Variants in SESN1 observed in about 807,000 individuals in gnomAD.
SESN1 encodes the protein sestrin-1.
In SESN1, 30 loss-of-function variants were observed where a neutral mutation model predicts 59.3. The observed-to-expected ratio is 0.51, with a 90% CI of 0.38 to 0.69. The LOEUF (loss-of-function observed/expected upper bound fraction) is 0.69, where lower values mean the gene tolerates loss of function less well. SESN1 is among the 30% of genes least tolerant of loss of function. The pLI, the probability that SESN1 is intolerant of heterozygous loss-of-function variation, is 0.00. For synonymous variants in SESN1, 197 were observed against 219.9 expected (o/e 0.90, Z 0.92); for missense variants, 566 against 673.0 (o/e 0.84, Z 1.76).
In SESN1 at chr6:108,986,501, A is replaced by C. The variant is rs1318800077; in HGVS notation, c.*1043T>G. 6.6e-6 allele frequency: 1 copy of C among 152,670 alleles called. No homozygotes were observed. The highest frequency in any genetic ancestry group is 2.4e-5 in the African/African-American group (1 of 41,462). 9.5% of individuals were successfully genotyped at this position (152,670 alleles called of 1,614,324 possible). ...GTAATACTGACAGACTTCAAAAGCA[A>C]TTCACGCTTCCAGAATACAAAGTAC... is the stretch of plus-strand genomic sequence containing the variant. On this transcript the variant is annotated 3_prime_UTR_variant, in exon 10 of 10. Coordinates refer to ENST00000436639, the MANE Select transcript of SESN1 (RefSeq NM_014454.3).
intron 1 of SESN1, among the ~76,000 whole-genome samples, chr6:109,087,017 A>G (rs1357320691): frequency 6.6e-6 from 1 of 152,188 alleles, no homozygotes; most frequent in African/African-American, 2.4e-5. Flanking sequence ...CTGTAATCCC[A>G]GCTACTCAGG....
At chr6:109,076,702 G>A (rs569871050) in intron 1 of SESN1, among the ~76,000 whole-genome samples, 1 of 152,136 alleles carries the variant, frequency 6.6e-6, no homozygotes, top group East Asian at 1.9e-4. Context: ...TTTGGTTTAG[G>A]CATGTTTGGG....
intron 1 of SESN1, among the ~76,000 whole-genome samples, chr6:109,092,925 G>A (rs1781350110): frequency 1.3e-5 from 2 of 152,028 alleles, no homozygotes; most frequent in African/African-American, 4.8e-5. Context: ...AACTTACATA[G>A]TTACCCAAGT....
chr6:109,026,504 A>T (rs958171431), intron 1 of SESN1, among the ~76,000 whole-genome samples: 1 of 152,000 alleles, frequency 6.6e-6, no homozygotes, highest in East Asian at 1.9e-4. Context: ...TGTAGGTTTA[A>T]CTTTTTTTTT....
At chr6:109,028,771 T>G (rs902953382) in intron 1 of SESN1, among the ~76,000 whole-genome samples, 1 of 152,118 alleles carries the variant, frequency 6.6e-6, no homozygotes, top group East Asian at 1.9e-4. Flanking sequence ...GAACAAAGAC[T>G]GGGTCACGAA....
chr6:109,054,641 C>T (rs926508162), intron 1 of SESN1, among the ~76,000 whole-genome samples: 5 of 152,138 alleles, frequency 3.3e-5, no homozygotes, highest in African/African-American at 1.2e-4. Flanking sequence ...AAAATTTCTT[C>T]TGTCATTGTA....
chr6:109,089,800 A>T (rs530176537), intron 1 of SESN1, among the ~76,000 whole-genome samples: 1 of 152,240 alleles, frequency 6.6e-6, no homozygotes, highest in African/African-American at 2.4e-5. Flanking sequence ...TATCAGACCC[A>T]TTTTAATTTT....
intron 1 of SESN1, among the ~76,000 whole-genome samples, chr6:109,016,024 TA>T (rs914994635): frequency 6.6e-6 from 1 of 152,186 alleles, no homozygotes; most frequent in African/African-American, 2.4e-5. Flanking sequence ...CAAAATAGAT[TA>T]AAACCAAACC....
chr6:108,989,957 T>TGAAAAA (rs1779331046), intron 8 of SESN1, among the ~76,000 whole-genome samples: 1 of 152,198 alleles, frequency 6.6e-6, no homozygotes, highest in Non-Finnish European at 1.5e-5. Context: ...GGGAAATTAG[T>TGAAAAA]TTAAAGTTGG....
intron 1 of SESN1, among the ~76,000 whole-genome samples, chr6:109,028,261 A>T (rs1237132614): frequency 6.6e-6 from 1 of 152,188 alleles, no homozygotes; most frequent in Non-Finnish European, 1.5e-5. Flanking sequence ...AGGGAATGGG[A>T]TTATGGGTGA....
intron 1 of SESN1, among the ~76,000 whole-genome samples, chr6:109,082,255 G>C (rs866148281): frequency 6.6e-6 from 1 of 151,986 alleles, no homozygotes; most frequent in Non-Finnish European, 1.5e-5. Context: ...GGAGACTTGG[G>C]GGCTCTAAGG....
At chr6:109,093,221 G>A (rs1310423309) in intron 1 of SESN1, among the ~76,000 whole-genome samples, 7 of 152,126 alleles carry the variant, frequency 4.6e-5, no homozygotes, top group Admixed American at 4.6e-4. Flanking sequence ...TGAGCAATTT[G>A]CCATAAAAGT....
intron 1 of SESN1, among the ~76,000 whole-genome samples, chr6:109,082,144 G>A (rs1475881050): frequency 1.3e-5 from 2 of 152,132 alleles, no homozygotes; most frequent in African/African-American, 4.8e-5. Context: ...AGTTCCCAGA[G>A]AGCTAAAACA....
intron 1 of SESN1, among the ~76,000 whole-genome samples, chr6:109,048,332 C>T (rs1208905096): frequency 1.3e-5 from 2 of 151,996 alleles, no homozygotes; most frequent in Non-Finnish European, 2.9e-5. Flanking sequence ...TTCATTCCTC[C>T]ACCTCCCTTG....
In SESN1 at chr6:108,990,716, C is replaced by G; in HGVS notation, c.1353G>C (p.Met451Ile). ...GCATTGAGGTATCAACATCTTTGTG[C>G]ATTGCCATTGTATTATAAGTAAGAT... ...AYNLTYNTMA[M>I]HKDVDTSMLR... The change falls in exon 8 of 10, where the codon ATG becomes ATC. Residue 451 changes from methionine to isoleucine, a missense_variant. Coordinates refer to ENST00000436639, the MANE Select transcript of SESN1 (RefSeq NM_014454.3). The G allele has an allele frequency of 6.2e-7, 1 of 1,614,086 alleles. No homozygotes were observed. Among genetic ancestry groups the G allele is most frequent in the Non-Finnish European group, 8.5e-7 (1 of 1,179,984 alleles).
At chr6:109,048,147 C>T (rs1045397430) in intron 1 of SESN1, among the ~76,000 whole-genome samples, 14 of 151,842 alleles carry the variant, frequency 9.2e-5, no homozygotes, top group Admixed American at 3.3e-4. Context: ...TGTCAACATT[C>T]ACTGAAACAG....
chr6:109,056,705 T>C (rs562482347), intron 1 of SESN1, among the ~76,000 whole-genome samples: 1 of 152,314 alleles, frequency 6.6e-6, no homozygotes, highest in South Asian at 2.1e-4. Flanking sequence ...GCACTGTCTC[T>C]TTCCTTTCCT....
chr6:109,092,444 C>T (rs939151902), intron 1 of SESN1, among the ~76,000 whole-genome samples: 1 of 152,180 alleles, frequency 6.6e-6, no homozygotes, highest in Non-Finnish European at 1.5e-5. Context: ...TTCAATATAA[C>T]TCTTAACACG....
intron 5 of SESN1, among the ~76,000 whole-genome samples, chr6:108,998,009 A>G (rs1181291373): frequency 6.6e-6 from 1 of 152,226 alleles, no homozygotes; most frequent in African/African-American, 2.4e-5. Flanking sequence ...CACCTTCTAT[A>G]TTGGTGCAAA....
Sources: allele counts gnomAD v4.1 joint callset (sites outside exome capture counted in the v4.1 genomes callset), GRCh38; gene constraint gnomAD v4.1.1; transcripts MANE v1.5; gene names NCBI Gene and HGNC (gene_info 2026-07-23, HGNC 2026-07-21).